AGBL4: variants seen among roughly 807,000 people sequenced by gnomAD.
AGBL4 encodes AGBL carboxypeptidase 4.
In AGBL4, 58 loss-of-function variants were observed where a neutral mutation model predicts 66.4. The observed-to-expected ratio is 0.87, with a 90% CI of 0.71 to 1.09. The LOEUF is 1.09. AGBL4 is among the 50% of genes least tolerant of loss of function. AGBL4 has a pLI of 0.00. For synonymous variants in AGBL4, 234 were observed against 222.9 expected (o/e 1.05, Z -0.44); for missense variants, 579 against 631.0 (o/e 0.92, Z 0.88).
intron 3 of AGBL4, among the ~76,000 whole-genome samples, chr1:49,693,681 T>A (rs564924487): frequency 6.6e-6 from 1 of 151,932 alleles, no homozygotes; most frequent in Non-Finnish European, 1.5e-5. Context: ...TTGACTATTT[T>A]TACAATAAAA....
intron 2 of AGBL4, among the ~76,000 whole-genome samples, chr1:49,701,749 C>T (rs1043185065): frequency 6.6e-6 from 1 of 151,662 alleles, no homozygotes; most frequent in African/African-American, 2.4e-5. Flanking sequence ...GATTGGCTAA[C>T]AAAAAAGAGA....
intron 2 of AGBL4, chr1:49,844,820 C>G (rs1571698603): frequency 5.2e-6 from 8 of 1,532,266 alleles, no homozygotes; most frequent in South Asian, 2.2e-5. Context: ...GGTGAAGACA[C>G]TGTGGGCCAC....
chr1:49,527,944 A>G (rs927008371), intron 3 of AGBL4, among the ~76,000 whole-genome samples: 2 of 152,136 alleles, frequency 1.3e-5, no homozygotes, highest in African/African-American at 4.8e-5. Context: ...CAAATCTGCA[A>G]TGTGTAACTC....
chr1:49,086,027 C>G (rs1482720997), intron 4 of AGBL4, among the ~76,000 whole-genome samples: 2 of 152,158 alleles, frequency 1.3e-5, no homozygotes, highest in African/African-American at 4.8e-5. Flanking sequence ...CAGCCTCCAG[C>G]CCCGTGGTCT....
At chr1:48,558,237 A>G (rs1366059501) in intron 11 of AGBL4, among the ~76,000 whole-genome samples, 1 of 152,216 alleles carries the variant, frequency 6.6e-6, no homozygotes, top group African/African-American at 2.4e-5. Flanking sequence ...TACTCCCTGA[A>G]CTTTAGTGAC....
intron 4 of AGBL4, among the ~76,000 whole-genome samples, chr1:49,164,324 G>A (rs963239985): frequency 2.6e-5 from 4 of 152,028 alleles, no homozygotes; most frequent in Non-Finnish European, 5.9e-5. Context: ...ATATTACATA[G>A]CAGCATACCT....
intron 5 of AGBL4, among the ~76,000 whole-genome samples, chr1:48,881,717 C>T (rs917558479): frequency 2.6e-5 from 4 of 152,104 alleles, no homozygotes; most frequent in Non-Finnish European, 4.4e-5. Context: ...TCACTTCTCA[C>T]AAGGCATGAC....
In AGBL4 at chr1:48,931,057, C is replaced by G. The variant is rs563762652; in HGVS notation, c.595-63827G>C. ...TTGTTCCCTGTATTTTTTATGATAA[C>G]AAAATTGAGCCCCAAAAACTTAAGT... On this transcript the variant is annotated intron_variant, in intron 5 of 13. Transcript: ENST00000371839. Among the ~76,000 whole-genome samples the G allele has an allele frequency of 2.6e-5, 4 of 152,214 alleles. No homozygotes were observed. The South Asian group carries it at 6.2e-4, about 24-fold the overall frequency.
chr1:48,691,629 G>T (rs1344260166), intron 6 of AGBL4, among the ~76,000 whole-genome samples: 1 of 152,172 alleles, frequency 6.6e-6, no homozygotes, highest in Admixed American at 6.5e-5. Flanking sequence ...GTTCTACACA[G>T]TTCATTCCAA....
intron 2 of AGBL4, among the ~76,000 whole-genome samples, chr1:49,808,327 T>A (rs561163554): frequency 6.6e-6 from 1 of 152,272 alleles, no homozygotes; most frequent in African/African-American, 2.4e-5. Context: ...ACGGGGTGGA[T>A]GAGGATGTCT....
intron 1 of AGBL4, among the ~76,000 whole-genome samples, chr1:49,885,689 T>C (rs765409541): frequency 3.9e-5 from 6 of 151,964 alleles, no homozygotes; most frequent in Admixed American, 3.3e-4. Flanking sequence ...GGAGAACATA[T>C]AAGACACATA....
intron 2 of AGBL4, among the ~76,000 whole-genome samples, chr1:49,724,804 C>A (rs967086191): frequency 6.6e-5 from 10 of 151,940 alleles, no homozygotes; most frequent in Non-Finnish European, 1.3e-4. Context: ...AAAAATCATG[C>A]GAGGACGTGG....
chr1:49,627,255 T>G (rs1271631998), intron 3 of AGBL4, among the ~76,000 whole-genome samples: 1 of 152,138 alleles, frequency 6.6e-6, no homozygotes, highest in Non-Finnish European at 1.5e-5. Flanking sequence ...TAGTACCTCC[T>G]GGTAATAAGT....
At chr1:49,156,475 T>C (rs527264095) in intron 4 of AGBL4, among the ~76,000 whole-genome samples, 12 of 152,326 alleles carry the variant, frequency 7.9e-5, no homozygotes, top group African/African-American at 2.6e-4. Context: ...TAGATTGTTC[T>C]AGCTCAAGGC....
At chr1:49,371,250 T>TAGAC (rs1158917773) in intron 3 of AGBL4, among the ~76,000 whole-genome samples, 1 of 97,316 alleles carries the variant, frequency 1.0e-5, no homozygotes, top group South Asian at 3.1e-4. Context: ...GATAGATAGA[T>TAGAC]ACATACATAC....
rs1052315932 is a variant in AGBL4, at chr1:49,379,494, A to C, written c.283-133630T>G. 3.3e-5 allele frequency among the ~76,000 whole-genome samples: 5 copies of C among 152,156 alleles called. No homozygotes were observed. The South Asian group carries it at 1.0e-3, about 32-fold the overall frequency. On this transcript the variant is annotated intron_variant, in intron 3 of 13. Transcript: ENST00000371839. ...CCATTTTAAAATACAGCTCCCCTTC[A>C]GTATGATATTGGCTGTGGGTTTGTC...
chr1:48,572,662 T>C (rs1399435510), intron 11 of AGBL4, among the ~76,000 whole-genome samples: 2 of 152,176 alleles, frequency 1.3e-5, no homozygotes, highest in African/African-American at 4.8e-5. Context: ...AGGAATGCTA[T>C]GCAGAGAGAG....
intron 11 of AGBL4, among the ~76,000 whole-genome samples, chr1:48,564,783 C>T (rs142148159): frequency 1.4e-3 from 218 of 152,314 alleles, no homozygotes; most frequent in African/African-American, 5.1e-3. Flanking sequence ...ACCAACTCAC[C>T]AGACAACAAA....
intron 6 of AGBL4, among the ~76,000 whole-genome samples, chr1:48,693,324 G>C (rs568362494): frequency 6.6e-6 from 1 of 152,186 alleles, no homozygotes; most frequent in African/African-American, 2.4e-5. Flanking sequence ...ATGACAGAGA[G>C]GAAGCCAGGC....
Sources: allele counts gnomAD v4.1 joint callset (sites outside exome capture counted in the v4.1 genomes callset), GRCh38; gene constraint gnomAD v4.1.1; transcripts MANE v1.5; gene names NCBI Gene and HGNC (gene_info 2026-07-23, HGNC 2026-07-21).